BRD9: variants seen among roughly 807,000 people sequenced by gnomAD.
The protein encoded by BRD9 is bromodomain-containing protein 9.
Under a neutral mutation model 68.7 loss-of-function variants are expected in BRD9, and 47 were observed. The observed-to-expected ratio is 0.68, with a 90% CI of 0.54 to 0.87. The LOEUF is 0.87. BRD9 is among the 40% of genes least tolerant of loss of function. The probability of loss-of-function intolerance (pLI) is 0.00; values close to 1 mark genes in which losing one functional copy is unlikely to be tolerated. For missense variants in BRD9, 670 were observed against 748.4 expected (o/e 0.90, Z 1.22); for synonymous variants, 313 against 293.9 (o/e 1.06, Z -0.67).
chr5:883,880 G>A (rs759664433), intron 8 of BRD9, 58 bp downstream of exon 8: 240 of 1,581,174 alleles, frequency 1.5e-4, no homozygotes, highest in Non-Finnish European at 1.9e-4. Context: ...CAGAAGGAGA[G>A]GCACACAGAG....
In BRD9 at chr5:892,668, G is replaced by A; in HGVS notation, c.-11C>T. Reference sequence around the variant, plus strand: ...GTGCTTCTTGCCCATGGCGGCGCCGGCGGCGGGCCCGAGGCGGGGGCTGGG... The same window carrying A: ...GTGCTTCTTGCCCATGGCGGCGCCGACGGCGGGCCCGAGGCGGGGGCTGGG... On this transcript the variant is annotated 5_prime_UTR_variant, in exon 1 of 16. Coordinates refer to ENST00000467963, the MANE Select transcript of BRD9 (RefSeq NM_023924.5). 1 of 1,411,242 alleles carries A rather than the reference G, an allele frequency of 7.1e-7. No homozygotes were observed. The allele number at this position is 1,411,242 out of a possible 1,614,324, so 87.4% of individuals were successfully genotyped here. A position where few individuals can be genotyped will look rare whatever the true frequency, so the allele number is the denominator to read the frequency against.
chr5:889,192 A>C, intron 4 of BRD9, 27 bp from the exon 5 acceptor site: 1 of 1,596,472 alleles, frequency 6.3e-7, no homozygotes, highest in Non-Finnish European at 8.5e-7. Context: ...CTTAAAGCGG[A>C]AAAATCTAGA....
chr5:868,678 T>A (rs1336917279), intron 14 of BRD9: 1 of 152,300 alleles, frequency 6.6e-6, no homozygotes, highest in African/African-American at 2.4e-5. Context: ...ATTTCACGTG[T>A]GTTGTCACAG....
chr5:874,924 G>A (rs146886927), intron 12 of BRD9, among the ~76,000 whole-genome samples: 116 of 152,328 alleles, frequency 7.6e-4, no homozygotes, highest in Non-Finnish European at 1.4e-3. Context: ...CAGTCCAGCA[G>A]GAGGAGGAAG....
intron 14 of BRD9, chr5:869,103 A>G (rs1749771331): frequency 6.6e-6 from 2 of 301,144 alleles, no homozygotes; most frequent in Non-Finnish European, 1.3e-5. Context: ...AGTGACTCAC[A>G]GAAGTCAGGG....
intron 12 of BRD9, among the ~76,000 whole-genome samples, chr5:873,557 T>C (rs1021152186): frequency 2.0e-5 from 3 of 152,250 alleles, no homozygotes; most frequent in South Asian, 4.1e-4. Flanking sequence ...TGCACGACTC[T>C]GCCTTTCAGT....
intron 11 of BRD9, among the ~76,000 whole-genome samples, chr5:877,773 G>A (rs374424915): frequency 6.6e-6 from 1 of 152,168 alleles, no homozygotes; most frequent in African/African-American, 2.4e-5. Flanking sequence ...TTGGAGCTGG[G>A]GACTTTAACG....
chr5:873,690 T>C (rs1490885000), intron 12 of BRD9, among the ~76,000 whole-genome samples: 1 of 152,188 alleles, frequency 6.6e-6, no homozygotes, highest in African/African-American at 2.4e-5. Flanking sequence ...CACACGTCCT[T>C]TCTATGACAA....
Position 878,340 on chromosome 5 carries a change from G to T in BRD9, c.1271+15C>A, listed in dbSNP as rs367613682. The T allele has an allele frequency of 1.2e-6, 2 of 1,612,626 alleles. No homozygotes were observed. On this transcript the variant is annotated intron_variant, in intron 11 of 15. Coordinates refer to ENST00000467963, the MANE Select transcript of BRD9 (RefSeq NM_023924.5). ...GCTGCACAGCAGCCAAGGGCTCCCCGGGGCCGACACTTGCCTCAGCGCACA... is the reference window on the plus strand; with the variant it reads ...GCTGCACAGCAGCCAAGGGCTCCCCTGGGCCGACACTTGCCTCAGCGCACA...
rs1319114826 is a variant in BRD9, at chr5:888,877, G to T, written c.606+144C>A. On this transcript the variant is annotated intron_variant, in intron 5 of 15. Coordinates refer to ENST00000467963, the MANE Select transcript of BRD9 (RefSeq NM_023924.5). ...GTTCACGACCAATCATTTCCTTAAT[G>T]CTGTGTCTGTAAAACATCATCCGAA... 3.6e-6 allele frequency: 3 copies of T among 832,250 alleles called. No homozygotes were observed. The Admixed American group carries it at 1.0e-4, about 28-fold the overall frequency. The allele number at this position is 832,250 out of a possible 1,614,324, so 51.6% of individuals were successfully genotyped here. A position where few individuals can be genotyped will look rare whatever the true frequency, so the allele number is the denominator to read the frequency against.
At chr5:889,875 T>C (rs1168014985) in intron 3 of BRD9, 10 of 770,204 alleles carry the variant, frequency 1.3e-5, no homozygotes, top group South Asian at 2.9e-5. Flanking sequence ...TAATAACCGG[T>C]AGCCCTTACA....
chr5:891,977 G>T (rs1753490707), intron 1 of BRD9, 123 bp from the exon 2 acceptor site: 5 of 1,425,208 alleles, frequency 3.5e-6, no homozygotes, highest in Non-Finnish European at 4.6e-6. Context: ...CTGCCAACCA[G>T]CAGGGAAAGA....
chr5:870,059 C>G (rs922044203), intron 14 of BRD9, among the ~76,000 whole-genome samples: 1 of 152,210 alleles, frequency 6.6e-6, no homozygotes, highest in South Asian at 2.1e-4. Flanking sequence ...TACGGATGGG[C>G]CCCAGGTGGG....
chr5:869,271 G>A (rs1749795242), intron 14 of BRD9: 2 of 455,574 alleles, frequency 4.4e-6, no homozygotes, highest in Non-Finnish European at 8.8e-6. Flanking sequence ...TTGGAATTCA[G>A]GCACAGCTGA....
intron 9 of BRD9, among the ~76,000 whole-genome samples, chr5:880,672 A>C (rs111487866): frequency 0.021 from 3,252 of 152,350 alleles, 107 homozygotes; most frequent in African/African-American, 0.069. Flanking sequence ...GGACAGGCCT[A>C]GTGTGCACCA....
chr5:891,751 ATAG>A lies in BRD9; in HGVS notation c.153_155del (p.Tyr52del), dbSNP rs1253768927. 6.4e-7 allele frequency: 1 copy of A among 1,551,434 alleles called. No homozygotes were observed. The highest frequency in any genetic ancestry group is 8.7e-7 in the Non-Finnish European group (1 of 1,146,966). ...CTCGCTCATGGTCTGACCTGTCATC[ATAG>A]TAACTGGAGTCGTGGCCGGATCCTG... On this transcript the variant is annotated inframe_deletion, in exon 2 of 16. Coordinates refer to ENST00000467963, the MANE Select transcript of BRD9 (RefSeq NM_023924.5).
intron 12 of BRD9, among the ~76,000 whole-genome samples, chr5:873,483 A>G (rs1224199223): frequency 1.3e-5 from 2 of 152,144 alleles, no homozygotes; most frequent in Admixed American, 6.5e-5. Flanking sequence ...CCTATAACCT[A>G]TAAGGCCCTG....
intron 9 of BRD9, chr5:880,219 G>C (rs1468934931): frequency 7.4e-6 from 1 of 135,330 alleles, no homozygotes; most frequent in Non-Finnish European, 1.5e-5. Flanking sequence ...TGTTCTAACA[G>C]CGAAACGGTG....
chr5:868,587 G>T (rs1188108371), intron 14 of BRD9: 2 of 152,252 alleles, frequency 1.3e-5, no homozygotes, highest in African/African-American at 4.8e-5. Flanking sequence ...TCCCTCCGGG[G>T]TCTGGACTTT....
Sources: gnomAD v4.1 joint callset for allele counts (sites outside exome capture counted in the v4.1 genomes callset) on GRCh38, gnomAD v4.1.1 for gene constraint, MANE v1.5 for transcripts, NCBI Gene and HGNC (gene_info 2026-07-23, HGNC 2026-07-21) for gene names.